Variants in DLC1 observed in about 807,000 individuals in gnomAD.
The protein encoded by DLC1 is DLC1 Rho GTPase activating protein.
In DLC1, 54 loss-of-function variants were observed where a neutral mutation model predicts 140.3. The ratio of observed to expected loss-of-function variants is 0.38; its 90% CI spans 0.31 to 0.48. The LOEUF (loss-of-function observed/expected upper bound fraction) is 0.48, where lower values mean the gene tolerates loss of function less well. Ranked by LOEUF, DLC1 falls within the 20% of genes least tolerant of loss-of-function variation. The pLI is 0.96. For synonymous variants in DLC1, 986 were observed against 728.1 expected (o/e 1.35, Z -5.70); for missense variants, 2,536 against 1,907.0 (o/e 1.33, Z -6.14).
At chr8:13,461,840 C>A (rs1447490329) in intron 2 of DLC1, among the ~76,000 whole-genome samples, 1 of 152,144 alleles carries the variant, frequency 6.6e-6, no homozygotes, top group East Asian at 1.9e-4. Flanking sequence ...CTATCTTCCT[C>A]ATTGATAATT....
At chr8:13,183,304 T>A (rs1826148624) in intron 5 of DLC1, among the ~76,000 whole-genome samples, 1 of 152,202 alleles carries the variant, frequency 6.6e-6, no homozygotes, top group South Asian at 2.1e-4. Flanking sequence ...GAATACCCTT[T>A]ATTTCTTTCT....
At position 13,499,753 on chromosome 8, in the gene DLC1, G is replaced by T; in HGVS notation, c.319C>A (p.Leu107Ile). Residue 107 changes from leucine (L) to isoleucine (I), a missense_variant, in exon 2 of 18, where the codon CTA (leucine) becomes ATA (isoleucine). By Grantham distance (5) the Leu-to-Ile change is conservative. Transcript: ENST00000276297. ...FLSLEASTET[L>I]VHVSDEDNNA... ...TTATCCTCATCAGAAACATGCACTA[G>T]TGTTTCTGTGCTGGCTTCCAGAGAA... 2 of 1,614,032 alleles carry T rather than the reference G, an allele frequency of 1.2e-6. No individual in the cohort carries two copies. The highest frequency in any genetic ancestry group is 2.2e-5 in the South Asian group (2 of 91,076).
chr8:13,137,247 A>G (rs1416104167), intron 5 of DLC1, among the ~76,000 whole-genome samples: 1 of 152,118 alleles, frequency 6.6e-6, no homozygotes, highest in Non-Finnish European at 1.5e-5. Context: ...TCATCACTCA[A>G]GGTTTCATCT....
intron 5 of DLC1, among the ~76,000 whole-genome samples, chr8:13,149,675 T>C (rs1245530816): frequency 6.6e-6 from 1 of 152,188 alleles, no homozygotes; most frequent in Non-Finnish European, 1.5e-5. Flanking sequence ...TCCCCCTATC[T>C]TCAGAAAGGC....
intron 1 of DLC1, among the ~76,000 whole-genome samples, chr8:13,554,133 C>A (rs1433567783): frequency 6.6e-6 from 1 of 152,146 alleles, no homozygotes; most frequent in Non-Finnish European, 1.5e-5. Context: ...ATGGCACAAT[C>A]TCCACTCACT....
At chr8:13,115,728 T>G in intron 5 of DLC1, 71 bp from the exon 6 acceptor site, 2 of 1,462,458 alleles carry the variant, frequency 1.4e-6, no homozygotes, top group Non-Finnish European at 1.9e-6. Flanking sequence ...CTGAATAAGC[T>G]TTCGTTTTAT....
At chr8:13,218,791 A>G (rs1828337898) in intron 5 of DLC1, among the ~76,000 whole-genome samples, 1 of 80,232 alleles carries the variant, frequency 1.2e-5, no homozygotes, top group African/African-American at 5.6e-5. Context: ...TATATAATAT[A>G]AATATATATC....
intron 4 of DLC1, among the ~76,000 whole-genome samples, chr8:13,358,723 G>A (rs1489028964): frequency 6.6e-6 from 1 of 151,920 alleles, no homozygotes; most frequent in Non-Finnish European, 1.5e-5. Context: ...TAAAGGAAAT[G>A]GAAAAGAAGA....
chr8:13,440,112 G>A (rs1798434114), intron 2 of DLC1, among the ~76,000 whole-genome samples: 1 of 152,176 alleles, frequency 6.6e-6, no homozygotes, highest in Non-Finnish European at 1.5e-5. Flanking sequence ...GGATTTTCAG[G>A]ACATTCATAC....
chr8:13,205,604 G>T (rs1458302152), intron 5 of DLC1, among the ~76,000 whole-genome samples: 1 of 151,890 alleles, frequency 6.6e-6, no homozygotes, highest in Non-Finnish European at 1.5e-5. Context: ...AATGATAGCT[G>T]ATGAGCTAAA....
At position 13,110,665 on chromosome 8, in the gene DLC1, A is replaced by G. The variant is rs186655364; in HGVS notation, c.1502+77T>C. 1.9e-5 allele frequency: 26 copies of G among 1,390,226 alleles called. No individual in the cohort carries two copies. The Admixed American group carries it at 3.6e-4, about 19-fold the overall frequency. The allele number at this position is 1,390,226 out of a possible 1,614,324, so 86.1% of individuals were successfully genotyped here. ...AACACAATTAGCAAGAACAAAAGCA[A>G]ACAAAGCCTATCTTTGTGAGAAGTA... On this transcript the variant is annotated intron_variant, in intron 7 of 17. Transcript: ENST00000276297.
At chr8:13,446,265 C>G (rs995222068) in intron 2 of DLC1, among the ~76,000 whole-genome samples, 1 of 152,168 alleles carries the variant, frequency 6.6e-6, no homozygotes, top group African/African-American at 2.4e-5. Flanking sequence ...GATATAATGT[C>G]TTTTAGCAAA....
chr8:13,158,878 G>C (rs1487750881), intron 5 of DLC1, among the ~76,000 whole-genome samples: 2 of 151,938 alleles, frequency 1.3e-5, no homozygotes, highest in African/African-American at 4.8e-5. Flanking sequence ...GGGTCCCCTG[G>C]TACACCCAAC....
At chr8:13,141,256 C>CAAAAAAAAAAAAAAAAAAAAAAAA (rs34321250) in intron 5 of DLC1, among the ~76,000 whole-genome samples, 1 of 63,768 alleles carries the variant, frequency 1.6e-5, no homozygotes, top group African/African-American at 8.7e-5. Flanking sequence ...GAGTCTGTCT[C>CAAAAAAAAAAAAAAAAAAAAAAAA]AAAAAAAAAA....
At chr8:13,119,855 G>A (rs1323339026) in intron 5 of DLC1, among the ~76,000 whole-genome samples, 1 of 151,668 alleles carries the variant, frequency 6.6e-6, no homozygotes, top group Non-Finnish European at 1.5e-5. Flanking sequence ...GCTGAGGTGG[G>A]AGGATTGCTT....
chr8:13,188,843 A>ATT (rs869162448), intron 5 of DLC1, among the ~76,000 whole-genome samples: 77 of 30,604 alleles, frequency 2.5e-3, no homozygotes, highest in Admixed American at 5.0e-3. Flanking sequence ...ATATATATAT[A>ATT]TTTTTTTTTT....
intron 2 of DLC1, among the ~76,000 whole-genome samples, chr8:13,468,025 A>T (rs1800020039): frequency 6.6e-6 from 1 of 152,142 alleles, no homozygotes; most frequent in South Asian, 2.1e-4. Context: ...TTCTTTCTCT[A>T]GAAGAGTTTA....
chr8:13,469,198 C>T (rs1310081726), intron 2 of DLC1, among the ~76,000 whole-genome samples: 1 of 152,092 alleles, frequency 6.6e-6, no homozygotes, highest in Non-Finnish European at 1.5e-5. Context: ...TTATATCATT[C>T]CTTTTCTAGC....
chr8:13,557,178 A>G (rs1804078431), intron 1 of DLC1, among the ~76,000 whole-genome samples: 1 of 152,136 alleles, frequency 6.6e-6, no homozygotes, highest in African/African-American at 2.4e-5. Context: ...GTGCTTTTAC[A>G]TAAAACCTTT....
Sources: gnomAD v4.1 joint callset for allele counts (sites outside exome capture counted in the v4.1 genomes callset) on GRCh38, gnomAD v4.1.1 for gene constraint, MANE v1.5 for transcripts, NCBI Gene and HGNC (gene_info 2026-07-23, HGNC 2026-07-21) for gene names.